The following SEC31B variants were observed in gnomAD, a reference collection of about 807,000 sequenced individuals.
The protein encoded by SEC31B is protein transport protein Sec31B.
A neutral mutation model predicts 135.0 loss-of-function variants in SEC31B; 113 were observed. That is an observed-to-expected ratio of 0.84 (90% confidence interval 0.72 to 0.98). The LOEUF (loss-of-function observed/expected upper bound fraction) is 0.98, where lower values mean the gene tolerates loss of function less well. SEC31B is among the 50% of genes least tolerant of loss of function. The pLI, the probability that SEC31B is intolerant of heterozygous loss-of-function variation, is 0.00. For missense variants in SEC31B, 1,296 were observed against 1,421.1 expected (o/e 0.91, Z 1.42); for synonymous variants, 508 against 549.4 (o/e 0.92, Z 1.05).
At chr10:100,507,156 A>T (rs1212510307) in intron 7 of SEC31B, among the ~76,000 whole-genome samples, 1 of 152,220 alleles carries the variant, frequency 6.6e-6, no homozygotes, top group African/African-American at 2.4e-5. Context: ...CCTGGAGGCT[A>T]AACACTGGTT....
At chr10:100,516,771 T>G in intron 2 of SEC31B, 103 bp downstream of exon 2, 1 of 900,954 alleles carries the variant, frequency 1.1e-6, no homozygotes, top group Non-Finnish European at 1.7e-6. Flanking sequence ...TATCTTTCTA[T>G]GATCTGAGAG....
chr10:100,498,096 C>T lies in SEC31B; in HGVS notation c.1796G>A (p.Gly599Glu). The T allele has an allele frequency of 3.7e-6, 6 of 1,614,186 alleles. No individual in the cohort carries two copies. Among genetic ancestry groups the T allele is most frequent in the Non-Finnish European group, 5.1e-6 (6 of 1,180,034 alleles). The change falls in exon 15 of 26, where the codon GGG (glycine) becomes GAG (glutamate). Residue 599 changes from glycine (G) to glutamate (E), a missense_variant. Transcript: ENST00000370345. ...FADAIILAQA[G>E]GTDLLKQTQE... The stretch of plus-strand genomic sequence containing the variant: ...TGTTTGCTTCAGCAGATCTGTACCC[C>T]CAGCCTGGGCCAGGATAATGGCATC...
intron 8 of SEC31B, 43 bp downstream of exon 8, chr10:100,506,278 C>T (rs1851629796): frequency 3.1e-6 from 5 of 1,613,892 alleles, no homozygotes; most frequent in Non-Finnish European, 3.4e-6. Flanking sequence ...TTCTTCTACC[C>T]TCTCTCTCCC....
In SEC31B at chr10:100,505,595, A is replaced by G. The variant is rs1023102670; in HGVS notation, c.1045-100T>C. ...TTGGGAGGAATCCTTGAGACACCCAATTTGACCTAGAAAGGTCAGACTCCC... is the reference window on the plus strand; with the variant it reads ...TTGGGAGGAATCCTTGAGACACCCAGTTTGACCTAGAAAGGTCAGACTCCC... On this transcript the variant is annotated intron_variant, in intron 9 of 25. Transcript: ENST00000370345. 17 of 1,483,810 alleles carry G rather than the reference A, an allele frequency of 1.1e-5. No homozygotes were observed. The African/African-American group carries it at 2.4e-4, about 21-fold the overall frequency. 91.9% of individuals were successfully genotyped at this position (1,483,810 alleles called of 1,614,324 possible).
Position 100,490,827 on chromosome 10 carries a change from CATCGCTGGTGATG to C in SEC31B, c.2516_2528del (p.Ser839CysfsTer19). 2 of 1,598,720 alleles carry C rather than the reference CATCGCTGGTGATG, an allele frequency of 1.3e-6. No individual in the cohort carries two copies. The highest frequency in any genetic ancestry group is 1.7e-6 in the Non-Finnish European group (2 of 1,170,548). On this transcript the variant is annotated frameshift_variant, in exon 20 of 26. Transcript: ENST00000370345. LOFTEE classifies it high-confidence loss of function. ...GGCTAGGATGGGAAGGTGCCAAGGG[CATCGCTGGTGATG>C]ACTGAGGGGTGAAAACCCTTGGCCT...
chr10:100,498,379 C>A lies in SEC31B; in HGVS notation c.1685-172G>T, dbSNP rs957095563. The A allele has an allele frequency of 6.1e-5, 42 of 689,014 alleles. No individual in the cohort carries two copies. The South Asian group carries it at 7.7e-4, about 13-fold the overall frequency. The allele number at this position is 689,014 out of a possible 1,614,324, so 42.7% of individuals were successfully genotyped here. A position where few individuals can be genotyped will look rare whatever the true frequency, so the allele number is the denominator to read the frequency against. ...ATAAAATGTATTTTGGTGCCCAGGT[C>A]TAAAGACAGGGCCCAAGACAAGGGA... is the stretch of plus-strand genomic sequence containing the variant. On this transcript the variant is annotated intron_variant, in intron 14 of 25. Transcript: ENST00000370345.
chr10:100,512,386 T>C (rs746403162), intron 3 of SEC31B, among the ~76,000 whole-genome samples: 4 of 152,196 alleles, frequency 2.6e-5, no homozygotes, highest in Non-Finnish European at 5.9e-5. Flanking sequence ...CCCAGAAACC[T>C]TTCTTTTTGA....
chr10:100,512,183 A>ACAGAAGAC (rs1851748317), intron 3 of SEC31B, among the ~76,000 whole-genome samples: 2 of 152,304 alleles, frequency 1.3e-5, no homozygotes, highest in Non-Finnish European at 2.9e-5. Context: ...AGGTAGAATG[A>ACAGAAGAC]CAGAAGACAG....
intron 3 of SEC31B, among the ~76,000 whole-genome samples, chr10:100,510,812 C>T (rs1467253871): frequency 6.6e-6 from 1 of 152,212 alleles, no homozygotes; most frequent in African/African-American, 2.4e-5. Flanking sequence ...AGCTAAGAGG[C>T]TACTGCCAGA....
chr10:100,510,298 C>T (rs1334960384), intron 3 of SEC31B, among the ~76,000 whole-genome samples: 1 of 152,234 alleles, frequency 6.6e-6, no homozygotes, highest in East Asian at 1.9e-4. Context: ...TGTGGCTGGC[C>T]CACTGGAGTG....
chr10:100,497,444 C>A, intron 16 of SEC31B, 164 bp from the exon 17 acceptor site: 1 of 1,475,176 alleles, frequency 6.8e-7, no homozygotes, highest in Non-Finnish European at 9.0e-7. Flanking sequence ...GTTCTCACAT[C>A]ATGGTGTGAC....
intron 19 of SEC31B, among the ~76,000 whole-genome samples, chr10:100,493,139 C>T (rs538473948): frequency 9.2e-5 from 14 of 152,158 alleles, no homozygotes; most frequent in Admixed American, 5.2e-4. Flanking sequence ...TTTGGGAGGC[C>T]GAGGCGGGCG....
At chr10:100,495,644 T>G in intron 18 of SEC31B, 98 bp from the exon 19 acceptor site, 5 of 1,190,464 alleles carry the variant, frequency 4.2e-6, no homozygotes, top group Non-Finnish European at 6.1e-6. Flanking sequence ...ACCAAGCTTG[T>G]CCAACCTGTG....
Position 100,506,216 on chromosome 10 carries a change from C to T in SEC31B, c.883-15G>A, listed in dbSNP as rs1851627903. 3 of 1,614,188 alleles carry T rather than the reference C, an allele frequency of 1.9e-6. No homozygotes were observed. Among genetic ancestry groups the T allele is most frequent in the Non-Finnish European group, 2.5e-6 (3 of 1,180,010 alleles). Reference sequence around the variant, plus strand: ...TTATATACCACCTAATATGAGGGAACACACCATTAGGGACAGTCCATGAAA... The same window carrying T: ...TTATATACCACCTAATATGAGGGAATACACCATTAGGGACAGTCCATGAAA... On this transcript the variant is annotated splice_polypyrimidine_tract_variant and intron_variant, in intron 8 of 25. Transcript: ENST00000370345.
intron 10 of SEC31B, among the ~76,000 whole-genome samples, chr10:100,503,568 G>A (rs929561033): frequency 1.3e-5 from 2 of 151,778 alleles, no homozygotes; most frequent in African/African-American, 4.8e-5. Flanking sequence ...CAAGTAGCTG[G>A]GATTACAGGT....
intron 3 of SEC31B, 69 bp from the exon 4 acceptor site, chr10:100,509,580 C>CGA (rs1361659237): frequency 1.6e-6 from 2 of 1,275,366 alleles, no homozygotes; most frequent in East Asian, 5.2e-5. Context: ...ATGGGCATCT[C>CGA]TGTCAGCTTC....
At chr10:100,500,004 T>C in intron 11 of SEC31B, 1 of 449,360 alleles carries the variant, frequency 2.2e-6, no homozygotes, top group South Asian at 1.6e-5. Flanking sequence ...CTCTTGTAAC[T>C]GGACAGATTC....
intron 1 of SEC31B, among the ~76,000 whole-genome samples, chr10:100,519,538 G>C (rs3750632): frequency 0.21 from 32,132 of 152,180 alleles, 3,494 homozygotes; most frequent in South Asian, 0.23. Context: ...CAAGGCAGCA[G>C]TGAACAGGGA....
At chr10:100,498,959 T>G (rs1212635631) in intron 13 of SEC31B, among the ~76,000 whole-genome samples, 155 bp from the exon 14 acceptor site, 1 of 152,168 alleles carries the variant, frequency 6.6e-6, no homozygotes, top group African/African-American at 2.4e-5. Context: ...AGTTCATGGT[T>G]AAGACACAGC....
Sources: allele counts gnomAD v4.1 joint callset (sites outside exome capture counted in the v4.1 genomes callset), GRCh38; gene constraint gnomAD v4.1.1; transcripts MANE v1.5; gene names NCBI Gene and HGNC (gene_info 2026-07-23, HGNC 2026-07-21).